Variants in LNPEP observed in about 807,000 individuals in gnomAD.
LNPEP encodes leucyl and cystinyl aminopeptidase.
Under a neutral mutation model 120.6 loss-of-function variants are expected in LNPEP, and 64 were observed. That is an observed-to-expected ratio of 0.53 (90% CI 0.43 to 0.65). The LOEUF (loss-of-function observed/expected upper bound fraction) is 0.65, where lower values mean the gene tolerates loss of function less well. Among genes scored for constraint, LNPEP ranks in the 30% least tolerant of loss-of-function variants. The pLI is 0.00. For synonymous variants in LNPEP, 435 were observed against 425.4 expected, an observed-to-expected ratio of 1.02 and a Z score of -0.28; for missense variants, 1,057 against 1,200.0, an observed-to-expected ratio of 0.88 and a Z score of 1.76.
intron 1 of LNPEP, among the ~76,000 whole-genome samples, chr5:96,971,025 A>G (rs972465999): frequency 6.6e-6 from 1 of 152,038 alleles, no homozygotes; most frequent in Non-Finnish European, 1.5e-5. Flanking sequence ...CTCCTTTAAA[A>G]TTTCTTGTAG....
In LNPEP at chr5:97,035,275, C is replaced by A. The variant is rs1791551481; in HGVS notation, c.*6742C>A. The A allele has an allele frequency of 6.6e-6, 1 of 151,924 alleles. No homozygotes were observed. The highest frequency in any genetic ancestry group is 2.4e-5 in the African/African-American group (1 of 41,366). 9.4% of individuals were successfully genotyped at this position (151,924 alleles called of 1,614,324 possible). A position where few individuals can be genotyped will look rare whatever the true frequency, so the allele number is the denominator to read the frequency against. On this transcript the variant is annotated 3_prime_UTR_variant, in exon 18 of 18. Coordinates refer to ENST00000231368, the MANE Select transcript of LNPEP (RefSeq NM_005575.3). ...TCATGTTATTGGTTTTGTACCTAGTCCTTTGCATGGATATATAGGTACCTA... is the reference window on the plus strand; with the variant it reads ...TCATGTTATTGGTTTTGTACCTAGTACTTTGCATGGATATATAGGTACCTA...
intron 4 of LNPEP, among the ~76,000 whole-genome samples, chr5:96,988,505 A>G (rs992228722): frequency 6.6e-6 from 1 of 150,860 alleles, no homozygotes; most frequent in African/African-American, 2.4e-5. Flanking sequence ...CGCCCGGCTA[A>G]TTTTTTGTAT....
chr5:96,960,807 GA>G (rs1317530401), intron 1 of LNPEP, among the ~76,000 whole-genome samples: 2 of 15,330 alleles, frequency 1.3e-4, no homozygotes, highest in African/African-American at 2.8e-4. Context: ...GTGCTATAGT[GA>G]AAAAAAGAGA....
chr5:96,985,165 A>G lies in LNPEP; in HGVS notation c.946A>G (p.Ile316Val), dbSNP rs369304058. The change falls in exon 3 of 18, where the codon ATC (isoleucine) becomes GTC (valine). Residue 316 changes from isoleucine (I) to valine (V), a missense_variant. Transcript: ENST00000231368. ...FDEPAFKATF[I>V]IKIIRDEQYT... ...TGAACCAGCATTTAAAGCCACTTTT[A>G]TCATCAAGATCATAAGGGATGAGCA... 6.2e-7 allele frequency: 1 copy of G among 1,613,784 alleles called. No homozygotes were observed. Among genetic ancestry groups the G allele is most frequent in the African/African-American group, 1.3e-5 (1 of 74,902 alleles).
intron 13 of LNPEP, among the ~76,000 whole-genome samples, chr5:97,020,836 T>C (rs1791177356): frequency 1.3e-5 from 2 of 152,106 alleles, no homozygotes; most frequent in African/African-American, 4.8e-5. Context: ...AAACATTTTT[T>C]ATATCAGAAT....
intron 16 of LNPEP, among the ~76,000 whole-genome samples, chr5:97,027,503 A>G (rs1451576602): frequency 2.0e-5 from 3 of 152,118 alleles, no homozygotes; most frequent in Admixed American, 2.0e-4. Context: ...GATCTTCGAC[A>G]ATGTTAAGCG....
At position 97,033,078 on chromosome 5, in the gene LNPEP, T is replaced by C. The variant is rs1316018861; in HGVS notation, c.*4545T>C. 6.6e-6 allele frequency: 1 copy of C among 152,172 alleles called. No individual in the cohort carries two copies. Among genetic ancestry groups the C allele is most frequent in the Non-Finnish European group, 1.5e-5 (1 of 68,040 alleles). The allele number at this position is 152,172 out of a possible 1,614,324, so 9.4% of individuals were successfully genotyped here. On this transcript the variant is annotated 3_prime_UTR_variant, in exon 18 of 18. Coordinates refer to ENST00000231368, the MANE Select transcript of LNPEP (RefSeq NM_005575.3). ...GAGTAGTTTGTTTTGTTTTGGGGTG[T>C]GGGGGAGAGTGGAGTATGTACTTAA...
chr5:97,021,304 CTG>C (rs1263605473), intron 13 of LNPEP, among the ~76,000 whole-genome samples: 9 of 152,198 alleles, frequency 5.9e-5, no homozygotes, highest in Non-Finnish European at 5.9e-5. Context: ...TGTTAAAAAA[CTG>C]TTGAATCTAG....
rs183396790 is a variant in LNPEP at position 96,943,195 on chromosome 5, C to T, written c.19+7021C>T. On this transcript the variant is annotated intron_variant, in intron 1 of 17. Coordinates refer to ENST00000231368, the MANE Select transcript of LNPEP (RefSeq NM_005575.3). ...TCACCATTGCAGATGCTTAAGTCAA[C>T]TATTTTAATAAATGATTACCAGTTG... The T allele has an allele frequency of 9.8e-4, 363 of 371,700 alleles. 2 individuals are homozygous for T. Among genetic ancestry groups the T allele is most frequent in the African/African-American group, 7.6e-3 (350 of 45,788 alleles). The allele number at this position is 371,700 out of a possible 1,614,324, so 23.0% of individuals were successfully genotyped here. A position where few individuals can be genotyped will look rare whatever the true frequency, so the allele number is the denominator to read the frequency against.
chr5:96,960,930 A>G (rs1271612507), intron 1 of LNPEP, among the ~76,000 whole-genome samples: 1 of 152,160 alleles, frequency 6.6e-6, no homozygotes, highest in African/African-American at 2.4e-5. Flanking sequence ...ACCAAGATGA[A>G]ACCATGTTGC....
chr5:96,954,687 TATATAC>T (rs1789404934), intron 1 of LNPEP, among the ~76,000 whole-genome samples: 1 of 56,958 alleles, frequency 1.8e-5, no homozygotes, highest in Non-Finnish European at 4.0e-5. Flanking sequence ...CATATATACA[TATATAC>T]ACATATATAC....
chr5:97,011,793 T>G (rs1242665034), intron 11 of LNPEP, among the ~76,000 whole-genome samples: 3 of 152,172 alleles, frequency 2.0e-5, no homozygotes, highest in Non-Finnish European at 4.4e-5. Flanking sequence ...AAGTACGGAA[T>G]TTTTTTAGTA....
rs951921294 is a variant in LNPEP, at chr5:97,034,883, A to G, written c.*6350A>G. ...CCCTCATTGCCTAGGGGGCAATGGT[A>G]GAATAGATGTTTGGTTTCTTTTGGG... On this transcript the variant is annotated 3_prime_UTR_variant, in exon 18 of 18. Transcript: ENST00000231368. The G allele has an allele frequency of 2.0e-5, 3 of 151,980 alleles. No individual in the cohort carries two copies. In the East Asian group the frequency reaches 5.8e-4, roughly 29 times the overall value. 9.4% of individuals were successfully genotyped at this position (151,980 alleles called of 1,614,324 possible). A position where few individuals can be genotyped will look rare whatever the true frequency, so the allele number is the denominator to read the frequency against.
At chr5:97,005,993 T>C (rs1790771592) in intron 9 of LNPEP, 80 bp from the exon 10 acceptor site, 1 of 359,312 alleles carries the variant, frequency 2.8e-6, no homozygotes, top group Non-Finnish European at 4.5e-6. Context: ...AGGGTACAGA[T>C]AAATTAAAAT....
intron 4 of LNPEP, among the ~76,000 whole-genome samples, chr5:96,989,435 TTATA>T (rs1259180147): frequency 7.2e-6 from 1 of 138,782 alleles, no homozygotes; most frequent in African/African-American, 2.7e-5. Flanking sequence ...TATTATATAT[TTATA>T]TATATTATTA....
chr5:96,993,751 A>C (rs1037868425), intron 5 of LNPEP, 66 bp from the exon 6 acceptor site: 1 of 1,425,654 alleles, frequency 7.0e-7, no homozygotes, highest in East Asian at 2.3e-5. Flanking sequence ...CCATTGAATA[A>C]AATACTTTGA....
Position 97,031,889 on chromosome 5 carries a change from C to CA in LNPEP, c.*3362dup, listed in dbSNP as rs1021386470. 14 of 148,874 alleles carry CA rather than the reference C, an allele frequency of 9.4e-5. No individual in the cohort carries two copies. The highest frequency in any genetic ancestry group is 2.9e-4 in the African/African-American group (12 of 40,806). The allele number at this position is 148,874 out of a possible 1,614,324, so 9.2% of individuals were successfully genotyped here. On this transcript the variant is annotated 3_prime_UTR_variant, in exon 18 of 18. Coordinates refer to ENST00000231368, the MANE Select transcript of LNPEP (RefSeq NM_005575.3). ...GACAAAGCGAGACTGTCTCAAAAAA[C>CA]AAAAAACAAAAAAAAAAGAGTTAAG...
At chr5:96,939,242 C>G (rs1788994812) in intron 1 of LNPEP, among the ~76,000 whole-genome samples, 1 of 142,840 alleles carries the variant, frequency 7.0e-6, no homozygotes, top group African/African-American at 2.6e-5. Flanking sequence ...GAGACACAGT[C>G]TCACTCTGTT....
intron 1 of LNPEP, chr5:96,942,838 C>G (rs186813436): frequency 6.6e-6 from 1 of 152,416 alleles, no homozygotes; most frequent in Non-Finnish European, 1.5e-5. Context: ...CAAACCTGCA[C>G]GTTGTGCACA....
Sources: allele counts gnomAD v4.1 joint callset (sites outside exome capture counted in the v4.1 genomes callset), GRCh38; gene constraint gnomAD v4.1.1; transcripts MANE v1.5; gene names NCBI Gene and HGNC (gene_info 2026-07-23, HGNC 2026-07-21).